DNM2: variants seen among roughly 807,000 people sequenced by gnomAD.
DNM2 encodes dynamin-2.
A neutral mutation model predicts 99.0 loss-of-function variants in DNM2; 15 were observed. That is an observed-to-expected ratio of 0.15 (90% CI 0.10 to 0.23). DNM2 has a LOEUF of 0.23. Among genes scored for constraint, DNM2 ranks in the 10% least tolerant of loss-of-function variants. DNM2 has a pLI of 1.00. For synonymous variants in DNM2, 525 were observed against 481.2 expected (o/e 1.09, Z -1.19); for missense variants, 742 against 1,189.4 (o/e 0.62, Z 5.53).
intron 1 of DNM2, among the ~76,000 whole-genome samples, chr19:10,750,757 C>T (rs1282522426): frequency 6.6e-6 from 1 of 152,038 alleles, no homozygotes; most frequent in Non-Finnish European, 1.5e-5. Flanking sequence ...ATGGCAAAAC[C>T]CCATCTCTAC....
intron 13 of DNM2, 62 bp from the exon 14 acceptor site, chr19:10,808,496 CGTCCCTTCCAT>C: frequency 6.4e-7 from 1 of 1,555,062 alleles, no homozygotes; most frequent in Non-Finnish European, 8.8e-7. Flanking sequence ...GTCCCCTTCA[CGTCCCTTCCAT>C]CTCTTTTCCT....
At chr19:10,791,730 C>CT (rs1185443595) in intron 7 of DNM2, among the ~76,000 whole-genome samples, 1 of 151,318 alleles carries the variant, frequency 6.6e-6, no homozygotes, top group African/African-American at 2.4e-5. Context: ...AGTCTGTTGT[C>CT]TGTCATTAGT....
intron 18 of DNM2, 180 bp from the exon 19 acceptor site, chr19:10,828,856 C>T (rs1382845557): frequency 2.5e-5 from 16 of 633,628 alleles, no homozygotes; most frequent in Non-Finnish European, 4.2e-5. Flanking sequence ...ACCCGGGAGG[C>T]GGAGGTTGCA....
At chr19:10,793,878 C>T (rs781330890) in intron 8 of DNM2, 23 bp downstream of exon 8, 93 of 1,613,896 alleles carry the variant, frequency 5.8e-5, no homozygotes, top group Non-Finnish European at 7.6e-5. Flanking sequence ...GGGGCTGGGC[C>T]CTCCCGTCTC....
intron 1 of DNM2, among the ~76,000 whole-genome samples, chr19:10,722,691 T>A (rs2068978453): frequency 6.6e-6 from 1 of 151,754 alleles, no homozygotes; most frequent in Non-Finnish European, 1.5e-5. Flanking sequence ...AGTGGCACCA[T>A]CTCTGCTCAC....
Position 10,775,777 on chromosome 19 carries a change from T to C in DNM2, c.460T>C (p.Tyr154His). 1 of 1,614,018 alleles carries C rather than the reference T, an allele frequency of 6.2e-7. No individual in the cohort carries two copies. The highest frequency in any genetic ancestry group is 1.3e-5 in the African/African-American group (1 of 74,972). The change falls in exon 4 of 21, where the codon TAC (tyrosine) becomes CAC (histidine). Residue 154 changes from tyrosine to histidine, a missense_variant. Physicochemically the swap from Tyr to His is moderately conservative, Grantham distance 83. Around this residue, in one of 7 missense-constraint regions of DNM2, gnomAD observed 192 missense variants for 358.9 expected, o/e 0.54. Transcript: ENST00000389253. This position sits in a 1 kb window ranked among gnomAD's most constrained non-coding sequence, Gnocchi z 4.3. The stretch of plus-strand genomic sequence containing the variant: ...GGGCGACCAGCCTCCAGACATCGAG[T>C]ACCAGATCAAGGACATGATCCTGCA... The part of the protein sequence containing the change: ...PVGDQPPDIE[Y>H]QIKDMILQFI...
chr19:10,819,225 A>C (rs1305478278), intron 15 of DNM2, among the ~76,000 whole-genome samples: 1 of 152,176 alleles, frequency 6.6e-6, no homozygotes, highest in Non-Finnish European at 1.5e-5. Flanking sequence ...CAGCCTGGGC[A>C]ACATAGCGAG....
intron 1 of DNM2, among the ~76,000 whole-genome samples, chr19:10,729,164 CAAAAAAAAAAA>C (rs919370114): frequency 9.0e-5 from 4 of 44,412 alleles, no homozygotes; most frequent in African/African-American, 3.3e-4. Context: ...GACTCCGTCT[CAAAAAAAAAAA>C]AAAAAAAAAA....
At chr19:10,735,762 C>T (rs1323710883) in intron 1 of DNM2, among the ~76,000 whole-genome samples, 4 of 151,882 alleles carry the variant, frequency 2.6e-5, no homozygotes, top group Admixed American at 2.6e-4. Context: ...AATCCTCTTG[C>T]CTCTGGCTCC....
chr19:10,828,513 G>A (rs1168301845), intron 18 of DNM2, among the ~76,000 whole-genome samples: 1 of 151,996 alleles, frequency 6.6e-6, no homozygotes, highest in African/African-American at 2.4e-5. Context: ...CATAAACCCG[G>A]GAGGCGGAGG....
rs2071009367 is a variant in DNM2, at chr19:10,772,283, G to A, written c.236-196G>A. Among the ~76,000 whole-genome samples the A allele has an allele frequency of 6.6e-6, 1 of 151,990 alleles. No individual in the cohort carries two copies. The highest frequency in any genetic ancestry group is 1.5e-5 in the Non-Finnish European group (1 of 68,004). On this transcript the variant is annotated intron_variant, in intron 2 of 20. Coordinates refer to ENST00000389253, the MANE Select transcript of DNM2 (RefSeq NM_001005361.3). This position sits in a 1 kb window ranked among gnomAD's most constrained non-coding sequence, Gnocchi z 4.9. ...TTTAGTAGAGACAGGGTTTCACCATGTTAGTGAGGATGGTCTGAATCTCCT... is the reference window on the plus strand; with the variant it reads ...TTTAGTAGAGACAGGGTTTCACCATATTAGTGAGGATGGTCTGAATCTCCT...
intron 5 of DNM2, among the ~76,000 whole-genome samples, chr19:10,780,670 A>G (rs964728813): frequency 6.6e-6 from 1 of 152,080 alleles, no homozygotes; most frequent in Non-Finnish European, 1.5e-5. Flanking sequence ...GCTCATGCCT[A>G]TAACCCCAGG....
chr19:10,821,220 C>A (rs1329446866), intron 16 of DNM2, among the ~76,000 whole-genome samples: 1 of 152,134 alleles, frequency 6.6e-6, no homozygotes, highest in African/African-American at 2.4e-5. Flanking sequence ...CTTCATAGCT[C>A]TTCTAGGCTT....
In DNM2 at chr19:10,759,810, A is replaced by G. The variant is rs747545894; in HGVS notation, c.234A>G (p.Thr78=). Residue 78 remains threonine, a splice_region_variant and synonymous_variant, in exon 2 of 21, where the codon ACA becomes ACG. Coordinates refer to ENST00000389253, the MANE Select transcript of DNM2 (RefSeq NM_001005361.3). ...PLILQLIFSK[T]EHAEFLHCKS... ...TTCTGCAGCTCATCTTCTCAAAAAC[A>G]GGTAAAATGGGGCGGCCTGAGGTTC... 78 of 1,613,956 alleles carry G rather than the reference A, an allele frequency of 4.8e-5. No homozygotes were observed. The highest frequency in any genetic ancestry group is 4.1e-5 in the Non-Finnish European group (48 of 1,180,022).
At chr19:10,815,119 G>A (rs1281235472) in intron 15 of DNM2, among the ~76,000 whole-genome samples, 1 of 152,196 alleles carries the variant, frequency 6.6e-6, no homozygotes, top group Non-Finnish European at 1.5e-5. Flanking sequence ...GTCTCAGTGA[G>A]CTTGGTGACC....
intron 5 of DNM2, among the ~76,000 whole-genome samples, chr19:10,779,498 C>CTTTTT (rs1227116160): frequency 1.7e-4 from 9 of 54,452 alleles, no homozygotes; most frequent in South Asian, 6.7e-4. Context: ...TTCTTTCTTT[C>CTTTTT]TTTCTTTTTT....
At position 10,830,874 on chromosome 19, in the gene DNM2, G is replaced by A. The variant is rs2073324224; in HGVS notation, c.2544-104G>A. ...GCGGAGGTCAGCCTGGGAACACCCT[G>A]GGGTGGTGTGTGGGTGGGGGCTGGG... On this transcript the variant is annotated intron_variant, in intron 20 of 20. Coordinates refer to ENST00000389253, the MANE Select transcript of DNM2 (RefSeq NM_001005361.3). This position sits in a 1 kb window ranked among gnomAD's most constrained non-coding sequence, Gnocchi z 4.8. 7.3e-7 allele frequency: 1 copy of A among 1,374,544 alleles called. No individual in the cohort carries two copies. Among genetic ancestry groups the A allele is most frequent in the Non-Finnish European group, 9.9e-7 (1 of 1,012,492 alleles). 85.1% of individuals were successfully genotyped at this position (1,374,544 alleles called of 1,614,324 possible).
intron 1 of DNM2, among the ~76,000 whole-genome samples, chr19:10,729,606 G>T (rs2069240839): frequency 6.6e-6 from 1 of 152,280 alleles, no homozygotes; most frequent in Admixed American, 6.5e-5. Context: ...CAGTAGGCAC[G>T]TGAGAGTTAG....
At position 10,796,918 on chromosome 19, in the gene DNM2, C is replaced by A. The variant is rs1445119749; in HGVS notation, c.1197-462C>A. Among the ~76,000 whole-genome samples the A allele has an allele frequency of 1.3e-5, 2 of 152,130 alleles. No individual in the cohort carries two copies. On this transcript the variant is annotated intron_variant, in intron 9 of 20. Transcript: ENST00000389253. The surrounding 1 kb of genome is among the most constrained non-coding windows in gnomAD (Gnocchi z 5.6). The stretch of plus-strand genomic sequence containing the variant: ...AATGCCTCCCAGTGGGCAGTCTGTG[C>A]TTGCGCGACCACAGTGTCCCCAGCG...
Sources: allele counts gnomAD v4.1 joint callset (sites outside exome capture counted in the v4.1 genomes callset), GRCh38; gene constraint gnomAD v4.1.1; regional missense constraint gnomAD v4.1.1; non-coding constraint Gnocchi (gnomAD v3.1); transcripts MANE v1.5; gene names NCBI Gene and HGNC (gene_info 2026-07-23, HGNC 2026-07-21).